GAD2: variants seen among roughly 807,000 people sequenced by gnomAD.
GAD2 encodes the protein glutamate decarboxylase 2, also known as 65 kDa glutamic acid decarboxylase.
In GAD2, 22 loss-of-function variants were observed where a neutral mutation model predicts 80.1. That is an observed-to-expected ratio of 0.27 (90% confidence interval 0.20 to 0.39). The LOEUF (loss-of-function observed/expected upper bound fraction) is 0.39. Among genes scored for constraint, GAD2 ranks in the 10% least tolerant of loss-of-function variants. The probability of loss-of-function intolerance (pLI) is 1.00; values close to 1 mark genes in which losing one functional copy is unlikely to be tolerated. For missense variants in GAD2, 624 were observed against 738.4 expected (o/e 0.85, Z 1.80); for synonymous variants, 274 against 256.9 (o/e 1.07, Z -0.64).
In GAD2 at chr10:26,229,841, A is replaced by T; in HGVS notation, c.840+64A>T. 5 of 1,169,742 alleles carry T rather than the reference A, an allele frequency of 4.3e-6. No individual in the cohort carries two copies. The Admixed American group carries it at 9.5e-5, about 22-fold the overall frequency. 72.5% of individuals were successfully genotyped at this position (1,169,742 alleles called of 1,614,324 possible). On this transcript the variant is annotated intron_variant, in intron 7 of 15. Transcript: ENST00000376261. ...CCATAAAGCCCGAGTTTAAGGAGTG[A>T]TGGCTGGAAATGCATTATCCCCAGA...
chr10:26,288,097 C>A (rs74777758), intron 13 of GAD2, among the ~76,000 whole-genome samples: 10,496 of 152,172 alleles, frequency 0.069, 449 homozygotes, highest in Non-Finnish European at 0.098. Context: ...TGATGGGATT[C>A]TTAACAAGAA....
At position 26,218,549 on chromosome 10, in the gene GAD2, T is replaced by TCACACACA. The variant is rs1373210337; in HGVS notation, c.287-493_287-492insACACACAC. The stretch of plus-strand genomic sequence containing the variant: ...CACATGCATACGCTCTCTCTCTCTC[T>TCACACACA]CTCACACACACACACACACACACAC... On this transcript the variant is annotated intron_variant, in intron 3 of 15. Coordinates refer to ENST00000376261, the MANE Select transcript of GAD2 (RefSeq NM_001134366.2). 1.4e-3 allele frequency among the ~76,000 whole-genome samples: 83 copies of TCACACACA among 57,376 alleles called. No individual in the cohort carries two copies. In the South Asian group the frequency reaches 0.018, roughly 12 times the overall value. 37.6% of individuals were successfully genotyped at this position (57,376 alleles called of 152,430 possible). A position where few individuals can be genotyped will look rare whatever the true frequency, so the allele number is the denominator to read the frequency against.
chr10:26,231,273 A>G (rs1228096176), intron 7 of GAD2, among the ~76,000 whole-genome samples: 1 of 152,142 alleles, frequency 6.6e-6, no homozygotes, highest in Non-Finnish European at 1.5e-5. Context: ...GTCACTCAGG[A>G]GACGCAGGGA....
rs534519827 is a variant in GAD2, at chr10:26,289,014, C to T, written c.1386+2520C>T. 3.3e-5 allele frequency among the ~76,000 whole-genome samples: 5 copies of T among 152,190 alleles called. No individual in the cohort carries two copies. The South Asian group carries it at 6.2e-4, about 19-fold the overall frequency. ...TTCTTTTACTTACTTGTGGAAACAC[C>T]GCAAGTATCTAGACATCTAGCCGCA... On this transcript the variant is annotated intron_variant, in intron 13 of 15. Coordinates refer to ENST00000376261, the MANE Select transcript of GAD2 (RefSeq NM_001134366.2).
chr10:26,225,200 T>A (rs760114409), intron 6 of GAD2, among the ~76,000 whole-genome samples: 66 of 152,214 alleles, frequency 4.3e-4, no homozygotes, highest in Non-Finnish European at 1.0e-4. Context: ...GGGTGACGAT[T>A]TCTTCAAGAG....
chr10:26,238,639 T>C (rs1056154140), intron 7 of GAD2, among the ~76,000 whole-genome samples: 2 of 152,212 alleles, frequency 1.3e-5, no homozygotes, highest in African/African-American at 4.8e-5. Context: ...GACGTGCCTG[T>C]GTACAGATCC....
At position 26,303,453 on chromosome 10, in the gene GAD2, A is replaced by C. The variant is rs1589157447; in HGVS notation, c.*2492A>C. On this transcript the variant is annotated 3_prime_UTR_variant, in exon 16 of 16. Coordinates refer to ENST00000376261, the MANE Select transcript of GAD2 (RefSeq NM_001134366.2). The stretch of plus-strand genomic sequence containing the variant: ...AAGAGAGTAAGGGAGGAAGGGAGGG[A>C]GGGAGGGAGGGAGGGAAGGAGGGAG... The C allele has an allele frequency of 1.6e-5, 1 of 62,274 alleles. No homozygotes were observed. The highest frequency in any genetic ancestry group is 5.9e-5 in the African/African-American group (1 of 16,838). The allele number at this position is 62,274 out of a possible 1,614,324, so 3.9% of individuals were successfully genotyped here. A position where few individuals can be genotyped will look rare whatever the true frequency, so the allele number is the denominator to read the frequency against.
intron 6 of GAD2, among the ~76,000 whole-genome samples, chr10:26,227,565 T>C (rs530668741): frequency 6.6e-6 from 1 of 152,272 alleles, no homozygotes; most frequent in East Asian, 1.9e-4. Flanking sequence ...ACAACTAAAT[T>C]CTCAAACAAG....
At chr10:26,287,548 A>C (rs1246370585) in intron 13 of GAD2, among the ~76,000 whole-genome samples, 4 of 152,254 alleles carry the variant, frequency 2.6e-5, no homozygotes, top group Non-Finnish European at 5.9e-5. Context: ...TTGGCTACAA[A>C]GATCAATAAC....
intron 11 of GAD2, among the ~76,000 whole-genome samples, chr10:26,276,227 C>T (rs1251518651): frequency 2.6e-5 from 4 of 152,104 alleles, no homozygotes; most frequent in African/African-American, 7.2e-5. Flanking sequence ...CCCTTTCTGG[C>T]ATCCCCTTCA....
chr10:26,232,468 A>ATTTTTTT (rs1564658024), intron 7 of GAD2, among the ~76,000 whole-genome samples: 1 of 131,690 alleles, frequency 7.6e-6, no homozygotes, highest in African/African-American at 3.0e-5. Flanking sequence ...AACTCAGTCT[A>ATTTTTTT]CTTTTTTTTT....
chr10:26,244,860 T>C (rs1357790055), intron 7 of GAD2, among the ~76,000 whole-genome samples: 1 of 152,102 alleles, frequency 6.6e-6, no homozygotes, highest in Non-Finnish European at 1.5e-5. Flanking sequence ...CACTTAAAAA[T>C]GGTTAATAAG....
At chr10:26,236,456 A>G (rs1445827708) in intron 7 of GAD2, among the ~76,000 whole-genome samples, 1 of 151,610 alleles carries the variant, frequency 6.6e-6, no homozygotes, top group Non-Finnish European at 1.5e-5. Flanking sequence ...GCCCACCACC[A>G]CACCCGGCTA....
Position 26,226,497 on chromosome 10 carries a change from CATT to C in GAD2, c.724+1847_724+1849del, listed in dbSNP as rs376882737. Among the ~76,000 whole-genome samples, 79 of 152,328 alleles carry C rather than the reference CATT, an allele frequency of 5.2e-4. 1 individual carries two copies. The South Asian group carries it at 0.015, about 29-fold the overall frequency. On this transcript the variant is annotated intron_variant, in intron 6 of 15. Transcript: ENST00000376261. Reference sequence around the variant, plus strand: ...GTTGGGAGGAGACAGCAGAAAAGGTCATTGCAACCTGTTTCTGCTCTACTTTCT... The same window carrying C: ...GTTGGGAGGAGACAGCAGAAAAGGTCGCAACCTGTTTCTGCTCTACTTTCT...
intron 6 of GAD2, among the ~76,000 whole-genome samples, chr10:26,226,368 A>AGCATGG (rs1326608298): frequency 1.1e-4 from 17 of 152,346 alleles, no homozygotes; most frequent in Non-Finnish European, 2.2e-4. Flanking sequence ...CTTCAGCTTG[A>AGCATGG]GCATGGGAAT....
intron 8 of GAD2, among the ~76,000 whole-genome samples, chr10:26,251,044 A>ATT (rs372668016): frequency 1.7e-5 from 2 of 117,990 alleles, no homozygotes; most frequent in East Asian, 2.5e-4. Flanking sequence ...CATGCCCGGC[A>ATT]TTTTTTTTTT....
chr10:26,258,660 A>G (rs1844972878), intron 8 of GAD2, among the ~76,000 whole-genome samples: 1 of 152,090 alleles, frequency 6.6e-6, no homozygotes, highest in Non-Finnish European at 1.5e-5. Flanking sequence ...TAACTTGTCT[A>G]TTTCACAATG....
intron 13 of GAD2, 95 bp from the exon 14 acceptor site, chr10:26,292,370 A>C: frequency 1.1e-6 from 1 of 900,020 alleles, no homozygotes; most frequent in Non-Finnish European, 1.8e-6. Flanking sequence ...AGACGGGGCT[A>C]AGACAGAGAC....
rs74898946 is a variant in GAD2, at chr10:26,234,701, A to G, written c.840+4924A>G. 3.7e-3 allele frequency among the ~76,000 whole-genome samples: 569 copies of G among 152,318 alleles called. 10 individuals are homozygous for G. Among genetic ancestry groups the G allele is most frequent in the African/African-American group, 0.013 (550 of 41,564 alleles). On this transcript the variant is annotated intron_variant, in intron 7 of 15. Coordinates refer to ENST00000376261, the MANE Select transcript of GAD2 (RefSeq NM_001134366.2). ...GGAAAGTCATATTAATGCTCCTCTC[A>G]TAAGACTGTTGGGAGGGTTCAATTA...
Sources: allele counts gnomAD v4.1 joint callset (sites outside exome capture counted in the v4.1 genomes callset), GRCh38; gene constraint gnomAD v4.1.1; transcripts MANE v1.5; gene names NCBI Gene and HGNC (gene_info 2026-07-23, HGNC 2026-07-21).